Variants in KLHL2 observed in about 807,000 individuals in gnomAD.
The protein encoded by KLHL2 is kelch-like protein 2.
A neutral mutation model predicts 75.8 loss-of-function variants in KLHL2; 15 were observed. The observed-to-expected ratio is 0.20, with a 90% CI of 0.13 to 0.30. KLHL2 has a LOEUF of 0.30. Ranked by LOEUF, KLHL2 falls within the 10% of genes least tolerant of loss-of-function variation. The pLI is 1.00. For missense variants in KLHL2, 381 were observed against 741.0 expected (o/e 0.51, Z 5.64); for synonymous variants, 214 against 251.9 (o/e 0.85, Z 1.42).
intron 3 of KLHL2, among the ~76,000 whole-genome samples, chr4:165,232,763 A>G (rs1257333609): frequency 6.6e-6 from 1 of 152,114 alleles, no homozygotes; most frequent in Non-Finnish European, 1.5e-5. Context: ...AAAAAGAAAA[A>G]AAGAAGACAC....
At chr4:165,294,510 CT>C (rs374375227) in intron 6 of KLHL2, 42 bp downstream of exon 6, 138,877 of 771,038 alleles carry the variant, frequency 0.18, 1 homozygote, top group East Asian at 0.23. Flanking sequence ...TGATGTTTCC[CT>C]TTTTTTTTTT....
intron 4 of KLHL2, among the ~76,000 whole-genome samples, chr4:165,252,149 T>G (rs1013400104): frequency 6.6e-6 from 1 of 152,204 alleles, no homozygotes. Flanking sequence ...TATAACAGCA[T>G]CTTTGTAATT....
intron 5 of KLHL2, among the ~76,000 whole-genome samples, chr4:165,263,977 C>T (rs1194501975): frequency 6.6e-6 from 1 of 151,952 alleles, no homozygotes; most frequent in African/African-American, 2.4e-5. Flanking sequence ...TGGCATTTCC[C>T]TGTGGCAGAG....
chr4:165,290,140 G>A (rs1366519314), intron 5 of KLHL2, among the ~76,000 whole-genome samples: 1 of 151,816 alleles, frequency 6.6e-6, no homozygotes, highest in East Asian at 1.9e-4. Flanking sequence ...ATATTTTAGA[G>A]CTCTTTTTTT....
rs1200962591 is a variant in KLHL2, at chr4:165,319,366, G to T, written c.1753+1397G>T. Among the ~76,000 whole-genome samples, 5 of 152,194 alleles carry T rather than the reference G, an allele frequency of 3.3e-5. No homozygotes were observed. Among genetic ancestry groups the T allele is most frequent in the African/African-American group, 4.8e-5 (2 of 41,450 alleles). On this transcript the variant is annotated intron_variant, in intron 14 of 14. Coordinates refer to ENST00000226725, the MANE Select transcript of KLHL2 (RefSeq NM_007246.4). This position sits in a 1 kb window ranked among gnomAD's most constrained non-coding sequence, Gnocchi z 4.5. ...GTGCCACCGGTGATGGTGCTAGGAA[G>T]TGCTTCAACGAAGCAGAGAAGAGTC... is the stretch of plus-strand genomic sequence containing the variant.
At chr4:165,281,103 A>G (rs1460053473) in intron 5 of KLHL2, among the ~76,000 whole-genome samples, 4 of 152,148 alleles carry the variant, frequency 2.6e-5, no homozygotes, top group Non-Finnish European at 5.9e-5. Flanking sequence ...GGGACTTTGC[A>G]TTGAGTATAG....
chr4:165,284,225 T>C (rs1374062036), intron 5 of KLHL2, among the ~76,000 whole-genome samples: 1 of 152,270 alleles, frequency 6.6e-6, no homozygotes, highest in Non-Finnish European at 1.5e-5. Context: ...TCTTGAATTT[T>C]GCCTGAGAAA....
chr4:165,263,300 G>A lies in KLHL2; in HGVS notation c.485G>A (p.Arg162Gln), dbSNP rs144504878. 7.1e-5 allele frequency: 114 copies of A among 1,614,014 alleles called. No individual in the cohort carries two copies. The highest frequency in any genetic ancestry group is 2.3e-4 in the Admixed American group (14 of 59,974). Residue 162 changes from arginine (R) to glutamine (Q), a missense_variant, in exon 5 of 15, where the codon CGG becomes CAG. Arg to Gln is a conservative substitution (Grantham distance 43, BLOSUM62 1). Coordinates refer to ENST00000226725, the MANE Select transcript of KLHL2 (RefSeq NM_007246.4). ...QLHPVNCLGI[R>Q]AFADMHACTD... ...CACCCTGTCAACTGCTTAGGAATCC[G>A]GGCTTTTGCTGATATGCATGCATGT... is the stretch of plus-strand genomic sequence containing the variant.
Position 165,207,783 on chromosome 4 carries a change from C to T in KLHL2, c.-94C>T. 1 of 1,157,946 alleles carries T rather than the reference C, an allele frequency of 8.6e-7. No homozygotes were observed. 71.7% of individuals were successfully genotyped at this position (1,157,946 alleles called of 1,614,324 possible). A position where few individuals can be genotyped will look rare whatever the true frequency, so the allele number is the denominator to read the frequency against. On this transcript the variant is annotated 5_prime_UTR_variant, in exon 1 of 15. Coordinates refer to ENST00000226725, the MANE Select transcript of KLHL2 (RefSeq NM_007246.4). This position sits in a 1 kb window ranked among gnomAD's most constrained non-coding sequence, Gnocchi z 4.2. ...CGCCCCCTCCGGGGCGGATGGAACGCGGCTCGGCGGGCGGGCAGTGCCGGC... is the reference window on the plus strand; with the variant it reads ...CGCCCCCTCCGGGGCGGATGGAACGTGGCTCGGCGGGCGGGCAGTGCCGGC...
At chr4:165,304,160 C>T (rs1277573316) in intron 8 of KLHL2, among the ~76,000 whole-genome samples, 1 of 151,212 alleles carries the variant, frequency 6.6e-6, no homozygotes, top group African/African-American at 2.4e-5. Context: ...GGATTACAGA[C>T]GTGAGCCACC....
chr4:165,207,736 G>T lies in KLHL2; in HGVS notation c.-141G>T. 2.1e-6 allele frequency: 1 copy of T among 470,342 alleles called. No homozygotes were observed. Among genetic ancestry groups the T allele is most frequent in the Non-Finnish European group, 3.1e-6 (1 of 321,062 alleles). 29.1% of individuals were successfully genotyped at this position (470,342 alleles called of 1,614,324 possible). On this transcript the variant is annotated 5_prime_UTR_variant, in exon 1 of 15. Transcript: ENST00000226725. The surrounding 1 kb of genome is among the most constrained non-coding windows in gnomAD (Gnocchi z 4.2). Reference sequence around the variant, plus strand: ...GCGGGGGCCGCCGCCGCAGGTGGTGGCGCGCGGTGAGGAGAGCGCGGCGCC... The same window carrying T: ...GCGGGGGCCGCCGCCGCAGGTGGTGTCGCGCGGTGAGGAGAGCGCGGCGCC...
intron 8 of KLHL2, among the ~76,000 whole-genome samples, chr4:165,303,494 G>GCCCCCCCCCCCCCCCCCCCCCC (rs35038980): frequency 8.8e-6 from 1 of 113,294 alleles, no homozygotes; most frequent in Non-Finnish European, 2.2e-5. Context: ...TTACAACCTT[G>GCCCCCCCCCCCCCCCCCCCCCC]CCCCCCCCGC....
intron 5 of KLHL2, chr4:165,279,759 T>C (rs957551844): frequency 3.3e-5 from 27 of 806,874 alleles, no homozygotes; most frequent in African/African-American, 3.0e-4. Context: ...TCCGCTGAAC[T>C]AGCCTCACTT....
At chr4:165,261,675 C>G (rs549904885) in intron 4 of KLHL2, among the ~76,000 whole-genome samples, 6 of 152,274 alleles carry the variant, frequency 3.9e-5, no homozygotes, top group African/African-American at 1.4e-4. Context: ...GGCCTTATGT[C>G]TGGATACTGT....
At chr4:165,308,368 T>G (rs1234771887) in intron 9 of KLHL2, among the ~76,000 whole-genome samples, 1 of 152,216 alleles carries the variant, frequency 6.6e-6, no homozygotes, top group Non-Finnish European at 1.5e-5. Context: ...CTTTACTTAT[T>G]GGGTAACTAT....
chr4:165,229,032 G>A (rs1738676425), intron 3 of KLHL2, 119 bp downstream of exon 3: 1 of 615,236 alleles, frequency 1.6e-6, no homozygotes, highest in African/African-American at 1.8e-5. Context: ...TATAGTGGAA[G>A]AAAATGTTCT....
chr4:165,278,706 C>A (rs1448755355), intron 5 of KLHL2: 2 of 1,603,572 alleles, frequency 1.2e-6, no homozygotes, highest in South Asian at 1.1e-5. Flanking sequence ...GCGTAATATA[C>A]CGGTTTGTCT....
At chr4:165,261,665 G>A (rs1423662640) in intron 4 of KLHL2, among the ~76,000 whole-genome samples, 2 of 152,186 alleles carry the variant, frequency 1.3e-5, no homozygotes, top group Non-Finnish European at 2.9e-5. Flanking sequence ...AGAAGGAAAA[G>A]GCCTTATGTC....
chr4:165,280,186 CTT>C (rs1743556737), intron 5 of KLHL2, among the ~76,000 whole-genome samples: 1 of 152,252 alleles, frequency 6.6e-6, no homozygotes, highest in Non-Finnish European at 1.5e-5. Context: ...AAGCTATCCT[CTT>C]TATGTGCCTG....
Sources: gnomAD v4.1 joint callset for allele counts (sites outside exome capture counted in the v4.1 genomes callset) on GRCh38, gnomAD v4.1.1 for gene constraint, Gnocchi (gnomAD v3.1) non-coding constraint, MANE v1.5 for transcripts, NCBI Gene and HGNC (gene_info 2026-07-23, HGNC 2026-07-21) for gene names.